PTPRN2: variants seen among roughly 807,000 people sequenced by gnomAD.
PTPRN2 encodes protein tyrosine phosphatase receptor type N2.
Under a neutral mutation model 118.8 loss-of-function variants are expected in PTPRN2, and 74 were observed. The ratio of observed to expected loss-of-function variants is 0.62; its 90% CI spans 0.52 to 0.76. The LOEUF (loss-of-function observed/expected upper bound fraction) is 0.76. Ranked by LOEUF, PTPRN2 falls within the 30% of genes least tolerant of loss-of-function variation. The pLI is 0.00. For missense variants in PTPRN2, 1,481 were observed against 1,394.4 expected (o/e 1.06, Z -0.99); for synonymous variants, 641 against 608.0 (o/e 1.05, Z -0.80).
rs1179032024 is a variant in PTPRN2, at chr7:158,544,074, G to A, written c.112+43484C>T. ...AGTTGTGCAAGGAAGCAGAGGAGGCGGTGAGTGCCCCACGCTCAGGAGTGC... is the reference window on the plus strand; with the variant it reads ...AGTTGTGCAAGGAAGCAGAGGAGGCAGTGAGTGCCCCACGCTCAGGAGTGC... On this transcript the variant is annotated intron_variant, in intron 1 of 22. Transcript: ENST00000389418. The surrounding 1 kb of genome is among the most constrained non-coding windows in gnomAD (Gnocchi z 4.2). Among the ~76,000 whole-genome samples the A allele has an allele frequency of 2.6e-5, 4 of 152,180 alleles. No homozygotes were observed. The highest frequency in any genetic ancestry group is 4.4e-5 in the Non-Finnish European group (3 of 68,030).
chr7:158,443,248 C>G (rs7807122), intron 2 of PTPRN2, among the ~76,000 whole-genome samples: 128,367 of 152,152 alleles, frequency 0.84, 54,636 homozygotes, highest in African/African-American at 0.96. Flanking sequence ...CTCAGCCCAG[C>G]GGCTCCCGCG....
chr7:157,850,829 C>G (rs574991052), intron 12 of PTPRN2, among the ~76,000 whole-genome samples: 1 of 152,222 alleles, frequency 6.6e-6, no homozygotes, highest in Non-Finnish European at 1.5e-5. Context: ...CATGCAGGAT[C>G]AGGAATGCTG....
chr7:157,785,042 G>A lies in PTPRN2; in HGVS notation c.1789-102105C>T, dbSNP rs755118004. ...CAGTTTCCATTTTTCCACTTGTAAC[G>A]GCTGTTACAGCCGCTGTTTCATCGC... On this transcript the variant is annotated intron_variant, in intron 12 of 22. Transcript: ENST00000389418. This position sits in a 1 kb window ranked among gnomAD's most constrained non-coding sequence, Gnocchi z 7.3. 1.3e-5 allele frequency among the ~76,000 whole-genome samples: 2 copies of A among 152,072 alleles called. No individual in the cohort carries two copies. The highest frequency in any genetic ancestry group is 2.4e-5 in the African/African-American group (1 of 41,408).
chr7:158,113,059 A>ATTGAGGGCCCCCCAG (rs1816425254), intron 9 of PTPRN2, among the ~76,000 whole-genome samples: 1 of 151,526 alleles, frequency 6.6e-6, no homozygotes, highest in Non-Finnish European at 1.5e-5. Context: ...GGGCCCCCCA[A>ATTGAGGGCCCCCCAG]CATTTAGGGC....
At chr7:157,947,464 C>T (rs138849463) in intron 11 of PTPRN2, among the ~76,000 whole-genome samples, 1 of 152,280 alleles carries the variant, frequency 6.6e-6, no homozygotes, top group African/African-American at 2.4e-5. Context: ...GGATTGGTGG[C>T]CTAAGTTCCT....
chr7:157,980,563 C>G (rs548380302), intron 11 of PTPRN2, among the ~76,000 whole-genome samples: 1 of 152,220 alleles, frequency 6.6e-6, no homozygotes, highest in East Asian at 1.9e-4. Flanking sequence ...CCAGCCTGGC[C>G]AACATGGCAA....
Position 157,929,264 on chromosome 7 carries a change from G to A in PTPRN2, c.1724-30527C>T, listed in dbSNP as rs2128778093. Among the ~76,000 whole-genome samples, 1 of 152,248 alleles carries A rather than the reference G, an allele frequency of 6.6e-6. No individual in the cohort carries two copies. The highest frequency in any genetic ancestry group is 1.5e-5 in the Non-Finnish European group (1 of 68,018). On this transcript the variant is annotated intron_variant, in intron 11 of 22. Transcript: ENST00000389418. The surrounding 1 kb of genome is among the most constrained non-coding windows in gnomAD (Gnocchi z 4.4). ...AGCCCCTCTTCCCCAGTACGCCGTG[G>A]CAGCCTGCCATCCGCTCTCTGCTCC... is the stretch of plus-strand genomic sequence containing the variant.
chr7:157,827,520 A>C (rs1359295567), intron 12 of PTPRN2, among the ~76,000 whole-genome samples: 1 of 152,206 alleles, frequency 6.6e-6, no homozygotes, highest in South Asian at 2.1e-4. Context: ...GTTGGACCTA[A>C]GACCTCCAGT....
intron 12 of PTPRN2, among the ~76,000 whole-genome samples, chr7:157,746,270 G>A (rs980706484): frequency 6.6e-6 from 1 of 151,438 alleles, no homozygotes; most frequent in Non-Finnish European, 1.5e-5. Context: ...ATGGGGCCAA[G>A]AGCATGGAGA....
chr7:157,666,039 C>T (rs1350607234), intron 13 of PTPRN2, among the ~76,000 whole-genome samples: 2 of 151,570 alleles, frequency 1.3e-5, no homozygotes, highest in Non-Finnish European at 2.9e-5. Flanking sequence ...ATGTAAATGA[C>T]GAGTTGGTGG....
At chr7:158,551,180 G>A (rs1207902852) in intron 1 of PTPRN2, among the ~76,000 whole-genome samples, 1 of 152,232 alleles carries the variant, frequency 6.6e-6, no homozygotes, top group Non-Finnish European at 1.5e-5. Flanking sequence ...GCTCTGGTGA[G>A]GGCCCTATTC....
intron 9 of PTPRN2, among the ~76,000 whole-genome samples, chr7:158,132,089 C>T (rs539130536): frequency 6.6e-6 from 1 of 151,744 alleles, no homozygotes; most frequent in African/African-American, 2.4e-5. Flanking sequence ...CACACACACA[C>T]ACGCACATAT....
intron 3 of PTPRN2, among the ~76,000 whole-genome samples, chr7:158,293,923 C>A (rs981215474): frequency 2.0e-5 from 3 of 152,172 alleles, no homozygotes; most frequent in Non-Finnish European, 1.5e-5. Context: ...TGCCTTCTGC[C>A]GGCATATCTC....
At chr7:157,740,724 G>A (rs1800588399) in intron 12 of PTPRN2, among the ~76,000 whole-genome samples, 1 of 152,192 alleles carries the variant, frequency 6.6e-6, no homozygotes, top group Non-Finnish European at 1.5e-5. Context: ...ATGAGAGGGT[G>A]GAGAATCCCA....
intron 11 of PTPRN2, among the ~76,000 whole-genome samples, chr7:158,032,618 A>G (rs1807772037): frequency 6.6e-6 from 1 of 151,980 alleles, no homozygotes; most frequent in Admixed American, 6.6e-5. Flanking sequence ...GTCAATTCAG[A>G]GCAAAGGACG....
rs200870738 is a variant in PTPRN2, at chr7:157,657,530, T to C, written c.2002-979A>G. 3.7e-3 allele frequency among the ~76,000 whole-genome samples: 67 copies of C among 18,120 alleles called. 1 individual carries two copies. Among genetic ancestry groups the C allele is most frequent in the African/African-American group, 5.6e-3 (25 of 4,478 alleles). The allele number at this position is 18,120 out of a possible 152,430, so 11.9% of individuals were successfully genotyped here. On this transcript the variant is annotated intron_variant, in intron 13 of 22. Transcript: ENST00000389418. ...ACATACACCACACAAACCACACACA[T>C]CACACATATACACACACACCACACA...
At chr7:158,255,448 C>T (rs925448818) in intron 3 of PTPRN2, among the ~76,000 whole-genome samples, 3 of 152,140 alleles carry the variant, frequency 2.0e-5, no homozygotes, top group Non-Finnish European at 4.4e-5. Flanking sequence ...ACCAAAGATC[C>T]GCGGCCGAAC....
rs942594320 is a variant in PTPRN2, at chr7:157,550,296, C to T, written c.2903-1277G>A. ...AGGGTAGCAGGTGCCTGCGAAGCAC[C>T]TCCAAGTCACAGCAGGTGCCTGCGA... is the stretch of plus-strand genomic sequence containing the variant. On this transcript the variant is annotated intron_variant, in intron 21 of 22. Transcript: ENST00000389418. The surrounding 1 kb of genome is among the most constrained non-coding windows in gnomAD (Gnocchi z 5.2). Among the ~76,000 whole-genome samples, 7 of 151,132 alleles carry T rather than the reference C, an allele frequency of 4.6e-5. No homozygotes were observed. Among genetic ancestry groups the T allele is most frequent in the African/African-American group, 1.7e-4 (7 of 41,270 alleles).
intron 2 of PTPRN2, among the ~76,000 whole-genome samples, chr7:158,337,490 G>A (rs1170596487): frequency 5.3e-5 from 8 of 150,020 alleles, no homozygotes; most frequent in Non-Finnish European, 1.0e-4. Flanking sequence ...GGTGACACCT[G>A]CAGACGTCAC....
Sources: allele counts gnomAD v4.1 joint callset (sites outside exome capture counted in the v4.1 genomes callset), GRCh38; gene constraint gnomAD v4.1.1; non-coding constraint Gnocchi (gnomAD v3.1); transcripts MANE v1.5; gene names NCBI Gene and HGNC (gene_info 2026-07-23, HGNC 2026-07-21).